Variants in CIT observed in about 807,000 individuals in gnomAD.
CIT encodes the protein citron rho-interacting serine/threonine kinase.
CIT carries 79 observed loss-of-function variants against 272.7 expected under a neutral mutation model. The ratio of observed to expected loss-of-function variants is 0.29; its 90% CI spans 0.24 to 0.35. The LOEUF (loss-of-function observed/expected upper bound fraction) is 0.35. CIT is among the 10% of genes least tolerant of loss of function. The pLI, the probability that CIT is intolerant of heterozygous loss-of-function variation, is 1.00. For missense variants in CIT, 1,909 were observed against 2,618.3 expected, an observed-to-expected ratio of 0.73 and a Z score of 5.91; for synonymous variants, 948 against 995.6, an observed-to-expected ratio of 0.95 and a Z score of 0.90.
chr12:119,686,731 C>A lies in CIT; in HGVS notation c.*1501G>T, dbSNP rs898003861. On this transcript the variant is annotated 3_prime_UTR_variant, in exon 48 of 48. Coordinates refer to ENST00000392521, the MANE Select transcript of CIT (RefSeq NM_001206999.2). ...GGGAGATTAAAGGCAGAAATAAGGC[C>A]GCGAGTTAGCTTGCCAACTGCAAAG... 1 of 152,436 alleles carries A rather than the reference C, an allele frequency of 6.6e-6. No individual in the cohort carries two copies. The highest frequency in any genetic ancestry group is 1.5e-5 in the Non-Finnish European group (1 of 68,058). 9.4% of individuals were successfully genotyped at this position (152,436 alleles called of 1,614,324 possible).
At chr12:119,862,111 A>C (rs1950357100) in intron 3 of CIT, among the ~76,000 whole-genome samples, 2 of 151,914 alleles carry the variant, frequency 1.3e-5, no homozygotes, top group Non-Finnish European at 1.5e-5. Flanking sequence ...AGCAATTCTC[A>C]TGACTTGGTC....
chr12:119,716,106 A>G (rs991246263), intron 32 of CIT, among the ~76,000 whole-genome samples: 2 of 152,100 alleles, frequency 1.3e-5, no homozygotes, highest in African/African-American at 4.8e-5. Context: ...GGCTGGGCAC[A>G]GTGGCTCAAA....
chr12:119,770,721 C>T lies in CIT; in HGVS notation c.2208+64G>A, dbSNP rs534610768. ...TTGTGGCGGTTAATTCTTCTTCTTA[C>T]CCCCTTCCCTTTGCAAACTCTAACC... On this transcript the variant is annotated intron_variant, in intron 18 of 47. Coordinates refer to ENST00000392521, the MANE Select transcript of CIT (RefSeq NM_001206999.2). This position sits in a 1 kb window ranked among gnomAD's most constrained non-coding sequence, Gnocchi z 4.4. The T allele has an allele frequency of 1.3e-5, 20 of 1,590,322 alleles. No individual in the cohort carries two copies. In the East Asian group the frequency reaches 2.9e-4, roughly 23 times the overall value.
Position 119,822,909 on chromosome 12 carries a change from A to C in CIT, c.1022T>G (p.Leu341Trp), listed in dbSNP as rs1226850023. The change falls in exon 9 of 48, where the codon TTG becomes TGG. Residue 341 changes from leucine (L) to tryptophan (W), a missense_variant. Leu to Trp is a moderately conservative substitution (Grantham distance 61). Around this residue, in one of 8 missense-constraint regions of CIT, gnomAD observed 529 missense variants for 549.6 expected, o/e 0.96. Coordinates refer to ENST00000392521, the MANE Select transcript of CIT (RefSeq NM_001206999.2). ...CAGTCTCTCTTTCTGGCCGCACAAC[A>C]AGCTTTGAATCAGATCAAGAAAGTC... ...SSDFLDLIQS[L>W]LCGQKERLKF... 32 of 1,614,044 alleles carry C rather than the reference A, an allele frequency of 2.0e-5. No homozygotes were observed. Among genetic ancestry groups the C allele is most frequent in the Non-Finnish European group, 2.6e-5 (31 of 1,180,030 alleles).
chr12:119,696,370 T>C (rs1302703611), intron 46 of CIT, among the ~76,000 whole-genome samples: 6 of 152,214 alleles, frequency 3.9e-5, no homozygotes, highest in African/African-American at 1.4e-4. Flanking sequence ...CCTGACTCTT[T>C]TGGTTTGACT....
chr12:119,711,098 T>G, intron 37 of CIT: 1 of 1,366,690 alleles, frequency 7.3e-7, no homozygotes, highest in South Asian at 1.1e-5. Context: ...GCGGGCCTAT[T>G]GTACACATAT....
Position 119,715,527 on chromosome 12 carries a change from A to T in CIT, c.4169-1193T>A, listed in dbSNP as rs139317248. Among the ~76,000 whole-genome samples, 215 of 152,090 alleles carry T rather than the reference A, an allele frequency of 1.4e-3. 1 individual carries two copies. The highest frequency in any genetic ancestry group is 5.0e-3 in the African/African-American group (209 of 41,474). On this transcript the variant is annotated intron_variant, in intron 32 of 47. Transcript: ENST00000392521. ...ATTGGTGGTTGCTAAGAAGAACATTAGTGGAAGGAGAATGGCGGGGGACTG... is the reference window on the plus strand; with the variant it reads ...ATTGGTGGTTGCTAAGAAGAACATTTGTGGAAGGAGAATGGCGGGGGACTG...
At chr12:119,830,851 T>C (rs973787393) in intron 7 of CIT, among the ~76,000 whole-genome samples, 2 of 152,248 alleles carry the variant, frequency 1.3e-5, no homozygotes, top group Admixed American at 6.5e-5. Flanking sequence ...TGATTTTTTT[T>C]TAATTTCACG....
At chr12:119,711,965 T>A (rs1957182506) in intron 37 of CIT, among the ~76,000 whole-genome samples, 1 of 152,158 alleles carries the variant, frequency 6.6e-6, no homozygotes, top group Non-Finnish European at 1.5e-5. Context: ...GATTCCCACA[T>A]TCTAAATGGA....
chr12:119,844,856 C>T (rs898137910), intron 5 of CIT, among the ~76,000 whole-genome samples: 1 of 152,198 alleles, frequency 6.6e-6, no homozygotes, highest in Admixed American at 6.5e-5. Flanking sequence ...CACGGTGGCT[C>T]ACGCCTGTAA....
chr12:119,755,199 T>C (rs1960780798), intron 22 of CIT, among the ~76,000 whole-genome samples: 1 of 151,762 alleles, frequency 6.6e-6, no homozygotes, highest in Non-Finnish European at 1.5e-5. Flanking sequence ...AATAAATAAA[T>C]AAAGCCAGGA....
chr12:119,741,665 C>A (rs1161800703), intron 24 of CIT, among the ~76,000 whole-genome samples: 1 of 151,948 alleles, frequency 6.6e-6, no homozygotes, highest in African/African-American at 2.4e-5. Context: ...CAAACAAGGA[C>A]AAGATCACTG....
At chr12:119,740,403 G>A (rs1959000844) in intron 24 of CIT, among the ~76,000 whole-genome samples, 2 of 152,054 alleles carry the variant, frequency 1.3e-5, no homozygotes, top group Admixed American at 6.5e-5. Context: ...ATCGCTCAAG[G>A]ATAAAATTTG....
At chr12:119,803,178 C>G in intron 10 of CIT, 28 bp downstream of exon 10, 1 of 1,123,124 alleles carries the variant, frequency 8.9e-7, no homozygotes, top group East Asian at 7.4e-5. Context: ...CAATGCAGGT[C>G]CCTTTAGAAA....
intron 9 of CIT, among the ~76,000 whole-genome samples, chr12:119,809,369 A>G (rs1966774685): frequency 6.6e-6 from 1 of 152,226 alleles, no homozygotes. Context: ...AGGCAGATCT[A>G]CACTAAGGAA....
chr12:119,840,490 A>G (rs977796599), intron 5 of CIT, among the ~76,000 whole-genome samples: 7 of 152,248 alleles, frequency 4.6e-5, no homozygotes, highest in African/African-American at 1.7e-4. Context: ...AGAATAAAAA[A>G]AAACAACTAT....
chr12:119,815,237 T>C (rs1285259018), intron 9 of CIT, among the ~76,000 whole-genome samples: 1 of 135,568 alleles, frequency 7.4e-6, no homozygotes, highest in Non-Finnish European at 1.6e-5. Context: ...TGGCCTTGTT[T>C]AAAAAAAAAA....
At chr12:119,742,310 G>A (rs1959097378) in intron 24 of CIT, 101 bp downstream of exon 24, 6 of 785,746 alleles carry the variant, frequency 7.6e-6, no homozygotes, top group South Asian at 5.0e-5. Flanking sequence ...CTGCAAGTTC[G>A]TATCAAAACT....
At chr12:119,834,831 G>T (rs1463534549) in intron 5 of CIT, among the ~76,000 whole-genome samples, 1 of 151,996 alleles carries the variant, frequency 6.6e-6, no homozygotes, top group Non-Finnish European at 1.5e-5. Context: ...TGTAACAGGG[G>T]AAAAAAACAT....
Sources: gnomAD v4.1 joint callset for allele counts (sites outside exome capture counted in the v4.1 genomes callset) on GRCh38, gnomAD v4.1.1 for gene constraint, gnomAD v4.1.1 regional missense constraint, Gnocchi (gnomAD v3.1) non-coding constraint, MANE v1.5 for transcripts, NCBI Gene and HGNC (gene_info 2026-07-23, HGNC 2026-07-21) for gene names.